The following CPN1 variants were observed in gnomAD, a reference collection of about 807,000 sequenced individuals.
CPN1 encodes the protein carboxypeptidase N subunit 1.
In CPN1, 37 loss-of-function variants were observed where a neutral mutation model predicts 46.4. The observed-to-expected ratio is 0.80, with a 90% CI of 0.61 to 1.05. The LOEUF is 1.05. Among genes scored for constraint, CPN1 ranks in the 50% least tolerant of loss-of-function variants. The pLI is 0.00. For synonymous variants in CPN1, 224 were observed against 235.4 expected (o/e 0.95, Z 0.44); for missense variants, 563 against 602.6 (o/e 0.93, Z 0.69).
chr10:100,042,618 T>G (rs2041282236), intron 8 of CPN1, 45 bp from the exon 9 acceptor site: 2 of 1,612,320 alleles, frequency 1.2e-6, no homozygotes, highest in Non-Finnish European at 1.7e-6. Flanking sequence ...TTGGACCATC[T>G]TTTGCCATAG....
intron 6 of CPN1, among the ~76,000 whole-genome samples, chr10:100,055,123 A>C (rs1589472713): frequency 6.6e-6 from 1 of 151,856 alleles, no homozygotes; most frequent in African/African-American, 2.4e-5. Context: ...CTGTAATCCT[A>C]GCTACTCAGG....
intron 2 of CPN1, among the ~76,000 whole-genome samples, chr10:100,074,680 G>T (rs1435796235): frequency 6.6e-6 from 1 of 152,060 alleles, no homozygotes; most frequent in African/African-American, 2.4e-5. Context: ...GCCTCCCAAA[G>T]TGCTGGGATT....
intron 2 of CPN1, among the ~76,000 whole-genome samples, chr10:100,070,669 A>T (rs939354445): frequency 6.6e-6 from 1 of 152,204 alleles, no homozygotes; most frequent in African/African-American, 2.4e-5. Context: ...ATCCAAAGTC[A>T]CAGTGGTGGA....
intron 6 of CPN1, 25 bp from the exon 7 acceptor site, chr10:100,054,471 G>T: frequency 6.4e-7 from 1 of 1,567,602 alleles, no homozygotes; most frequent in Non-Finnish European, 8.8e-7. Flanking sequence ...ATATAGTTAT[G>T]ATCATAAAAC....
chr10:100,072,265 TC>T (rs2133445149), intron 2 of CPN1, among the ~76,000 whole-genome samples: 1 of 152,278 alleles, frequency 6.6e-6, no homozygotes, highest in South Asian at 2.1e-4. Flanking sequence ...AGCCTCAACC[TC>T]CTGGGCTCAG....
At chr10:100,059,665 T>C (rs2041406085) in intron 5 of CPN1, among the ~76,000 whole-genome samples, 1 of 151,286 alleles carries the variant, frequency 6.6e-6, no homozygotes, top group Non-Finnish European at 1.5e-5. Flanking sequence ...GTGTTTTCTA[T>C]GGAAAACAGT....
At position 100,081,765 on chromosome 10, in the gene CPN1, T is replaced by C; in HGVS notation, c.-140A>G. ...GTCCAAATTGGAAGACGTTCCCAGC[T>C]GTCCGTCCAAGGCTGGAAATTCTTT... On this transcript the variant is annotated 5_prime_UTR_variant, in exon 1 of 9. Transcript: ENST00000370418. 2.8e-6 allele frequency: 2 copies of C among 725,492 alleles called. No homozygotes were observed. Among genetic ancestry groups the C allele is most frequent in the Non-Finnish European group, 4.9e-6 (2 of 409,490 alleles). The allele number at this position is 725,492 out of a possible 1,614,324, so 44.9% of individuals were successfully genotyped here. A position where few individuals can be genotyped will look rare whatever the true frequency, so the allele number is the denominator to read the frequency against.
chr10:100,067,149 G>A (rs866655729), intron 3 of CPN1, among the ~76,000 whole-genome samples: 8 of 152,218 alleles, frequency 5.3e-5, no homozygotes, highest in Middle Eastern at 3.4e-3. Flanking sequence ...TTTGTGAGAT[G>A]GAGTCTTGAT....
At position 100,081,697 on chromosome 10, in the gene CPN1, G is replaced by T; in HGVS notation, c.-72C>A. On this transcript the variant is annotated 5_prime_UTR_variant, in exon 1 of 9. Coordinates refer to ENST00000370418, the MANE Select transcript of CPN1 (RefSeq NM_001308.3). ...CTTAAACAACCTAGCCTCTTCACCC[G>T]CCAAAATCCAAGGTCCACCTAGCTT... 7.5e-7 allele frequency: 1 copy of T among 1,324,590 alleles called. No homozygotes were observed. The allele number at this position is 1,324,590 out of a possible 1,614,324, so 82.1% of individuals were successfully genotyped here.
chr10:100,079,006 C>A (rs190041256), intron 1 of CPN1, among the ~76,000 whole-genome samples: 1 of 152,222 alleles, frequency 6.6e-6, no homozygotes, highest in East Asian at 1.9e-4. Context: ...TCCCTCTGCC[C>A]GTCATCTTTT....
At chr10:100,050,126 G>T (rs2041341189) in intron 7 of CPN1, among the ~76,000 whole-genome samples, 1 of 152,176 alleles carries the variant, frequency 6.6e-6, no homozygotes, top group Non-Finnish European at 1.5e-5. Context: ...GCCCAGGTGG[G>T]TGGATCACCT....
chr10:100,062,694 G>A (rs2041427584), intron 5 of CPN1, among the ~76,000 whole-genome samples: 8 of 150,888 alleles, frequency 5.3e-5, no homozygotes, highest in Admixed American at 5.3e-4. Context: ...CCTGGGCTCA[G>A]GTGATCCTCC....
intron 5 of CPN1, among the ~76,000 whole-genome samples, chr10:100,057,591 G>C (rs2041392085): frequency 6.6e-6 from 1 of 152,150 alleles, no homozygotes; most frequent in African/African-American, 2.4e-5. Flanking sequence ...AGTAAGGGGG[G>C]AAATAGGATG....
Position 100,065,212 on chromosome 10 carries a change from C to A in CPN1, c.735G>T (p.Thr245=). The change falls in exon 4 of 9, where the codon ACG becomes ACT. Residue 245 remains threonine, a synonymous_variant. Coordinates refer to ENST00000370418, the MANE Select transcript of CPN1 (RefSeq NM_001308.3). ...RGVRRTASTP[T]PDDKLFQKLA... ...CCTTCTGGAAGAGCTTGTCGTCAGG[C>A]GTGGGGGTGCTGGCGGTGCGGCGGA... 1.2e-6 allele frequency: 2 copies of A among 1,613,940 alleles called. No homozygotes were observed. The highest frequency in any genetic ancestry group is 1.7e-6 in the Non-Finnish European group (2 of 1,179,884).
chr10:100,064,546 A>C (rs12242269), intron 4 of CPN1, among the ~76,000 whole-genome samples: 1,834 of 151,536 alleles, frequency 0.012, 39 homozygotes, highest in Middle Eastern at 0.045. Context: ...GTGCCTGGTT[A>C]ATTTTTTTAT....
chr10:100,065,038 C>T (rs2041445086), intron 4 of CPN1, 150 bp downstream of exon 4: 2 of 880,152 alleles, frequency 2.3e-6, no homozygotes, highest in South Asian at 2.0e-5. Flanking sequence ...AACCAAATGT[C>T]ATTTACTAGA....
At chr10:100,079,856 G>A (rs2041534235) in intron 1 of CPN1, among the ~76,000 whole-genome samples, 3 of 152,174 alleles carry the variant, frequency 2.0e-5, no homozygotes, top group Admixed American at 1.3e-4. Flanking sequence ...AGGCCAAGGC[G>A]GGTGGATCAC....
chr10:100,071,855 G>C (rs559099649), intron 2 of CPN1, among the ~76,000 whole-genome samples: 1 of 152,294 alleles, frequency 6.6e-6, no homozygotes, highest in East Asian at 1.9e-4. Flanking sequence ...TTATATAAGG[G>C]ACTTGAGCAT....
At chr10:100,072,329 C>T (rs1241680630) in intron 2 of CPN1, among the ~76,000 whole-genome samples, 1 of 152,124 alleles carries the variant, frequency 6.6e-6, no homozygotes, top group Non-Finnish European at 1.5e-5. Flanking sequence ...GCACGCGCCA[C>T]AACACCTGGC....
Sources: gnomAD v4.1 joint callset for allele counts (sites outside exome capture counted in the v4.1 genomes callset) on GRCh38, gnomAD v4.1.1 for gene constraint, MANE v1.5 for transcripts, NCBI Gene and HGNC (gene_info 2026-07-23, HGNC 2026-07-21) for gene names.